FXR1: variants seen among roughly 807,000 people sequenced by gnomAD.
The protein encoded by FXR1 is FMR1 autosomal homolog 1.
In FXR1, 15 loss-of-function variants were observed where a neutral mutation model predicts 84.0. The ratio of observed to expected loss-of-function variants is 0.18; its 90% confidence interval spans 0.12 to 0.27. The LOEUF is 0.27. Ranked by LOEUF, FXR1 falls within the 10% of genes least tolerant of loss-of-function variation. The pLI is 1.00. For synonymous variants in FXR1, 245 were observed against 250.7 expected (o/e 0.98, Z 0.21); for missense variants, 480 against 774.4 (o/e 0.62, Z 4.51).
At position 180,981,128 on chromosome 3, in the gene FXR1, C is replaced by A. The variant is rs561366204; in HGVS notation, c.*4836C>A. 5 of 151,866 alleles carry A rather than the reference C, an allele frequency of 3.3e-5. No homozygotes were observed. Among genetic ancestry groups the A allele is most frequent in the Non-Finnish European group, 5.9e-5 (4 of 67,884 alleles). 9.4% of individuals were successfully genotyped at this position (151,866 alleles called of 1,614,324 possible). A position where few individuals can be genotyped will look rare whatever the true frequency, so the allele number is the denominator to read the frequency against. ...TTAGGTCACTGTCAACAGAAAGATG[C>A]CTTATAGAATTTCTCATGATTGAAA... On this transcript the variant is annotated 3_prime_UTR_variant, in exon 17 of 17. Transcript: ENST00000357559.
intron 1 of FXR1, among the ~76,000 whole-genome samples, chr3:180,928,477 A>G (rs1172310350): frequency 1.3e-5 from 2 of 149,936 alleles, no homozygotes; most frequent in African/African-American, 2.5e-5. Context: ...TTTCAATGGG[A>G]TGCCATTGAA....
chr3:180,945,605 A>C (rs1721613844), intron 3 of FXR1, among the ~76,000 whole-genome samples: 1 of 152,170 alleles, frequency 6.6e-6, no homozygotes, highest in Non-Finnish European at 1.5e-5. Context: ...ATGGGGTTTC[A>C]TCATGTTGTC....
chr3:180,917,061 C>T (rs957342138), intron 1 of FXR1, among the ~76,000 whole-genome samples: 1 of 151,832 alleles, frequency 6.6e-6, no homozygotes, highest in Non-Finnish European at 1.5e-5. Context: ...TTCTCGATCT[C>T]CAGGATGGCC....
At chr3:180,949,487 A>G (rs1722004259) in intron 7 of FXR1, 144 bp downstream of exon 7, 1 of 650,712 alleles carries the variant, frequency 1.5e-6, no homozygotes, top group East Asian at 2.7e-5. Flanking sequence ...CCCGGATTCA[A>G]GCGGTTCTCC....
intron 11 of FXR1, 75 bp downstream of exon 11, chr3:180,961,629 A>G (rs1225847154): frequency 1.4e-6 from 1 of 695,800 alleles, no homozygotes; most frequent in Non-Finnish European, 2.5e-6. Context: ...TTTGCTACAA[A>G]TTTAAAATGT....
chr3:180,980,767 T>G lies in FXR1; in HGVS notation c.*4475T>G, dbSNP rs1431892075. On this transcript the variant is annotated 3_prime_UTR_variant, in exon 17 of 17. Coordinates refer to ENST00000357559, the MANE Select transcript of FXR1 (RefSeq NM_005087.4). The stretch of plus-strand genomic sequence containing the variant: ...GAAGCTCTTCCTATATATATCTTGT[T>G]GCTAAGGCAGTAGTTGGCTCTAAGC... The G allele has an allele frequency of 1.3e-5, 2 of 152,018 alleles. No individual in the cohort carries two copies. Among genetic ancestry groups the G allele is most frequent in the African/African-American group, 4.8e-5 (2 of 41,416 alleles). The allele number at this position is 152,018 out of a possible 1,614,324, so 9.4% of individuals were successfully genotyped here.
At chr3:180,931,250 C>G (rs1178333432) in intron 1 of FXR1, among the ~76,000 whole-genome samples, 1 of 151,908 alleles carries the variant, frequency 6.6e-6, no homozygotes, top group Non-Finnish European at 1.5e-5. Flanking sequence ...TGGAGTTTTG[C>G]TGTTGTCGCC....
chr3:180,982,302 G>GT lies in FXR1; in HGVS notation c.*6017dup, dbSNP rs1358552761. 2.6e-5 allele frequency: 4 copies of GT among 151,172 alleles called. No individual in the cohort carries two copies. The highest frequency in any genetic ancestry group is 5.9e-5 in the Non-Finnish European group (4 of 67,752). The allele number at this position is 151,172 out of a possible 1,614,324, so 9.4% of individuals were successfully genotyped here. On this transcript the variant is annotated 3_prime_UTR_variant, in exon 17 of 17. Coordinates refer to ENST00000357559, the MANE Select transcript of FXR1 (RefSeq NM_005087.4). ...AAGAAAATACCAGCAAAAGATAAAA[G>GT]TTTTTTTATGGATCGTATTTGTATC...
chr3:180,941,090 T>TG (rs2108454228), intron 3 of FXR1, among the ~76,000 whole-genome samples: 1 of 152,202 alleles, frequency 6.6e-6, no homozygotes, highest in African/African-American at 2.4e-5. Flanking sequence ...ATTAAAATGT[T>TG]GGGATAGGCG....
intron 15 of FXR1, among the ~76,000 whole-genome samples, chr3:180,972,639 G>A (rs1713725606): frequency 6.6e-6 from 1 of 152,204 alleles, no homozygotes; most frequent in Non-Finnish European, 1.5e-5. Flanking sequence ...TATAAAAGGA[G>A]TAACAGTGGG....
chr3:180,921,308 G>T (rs1298220338), intron 1 of FXR1, among the ~76,000 whole-genome samples: 1 of 151,336 alleles, frequency 6.6e-6, no homozygotes, highest in Non-Finnish European at 1.5e-5. Context: ...GGGGGTGTGT[G>T]TGGAGGTTGC....
intron 1 of FXR1, among the ~76,000 whole-genome samples, chr3:180,925,863 C>G (rs1466023221): frequency 6.6e-6 from 1 of 152,042 alleles, no homozygotes; most frequent in Non-Finnish European, 1.5e-5. Context: ...ATGTTAGTAC[C>G]TTTTTCTCAT....
chr3:180,961,551 A>C lies in FXR1; in HGVS notation c.1074A>C (p.Leu358=). 7.1e-7 allele frequency: 1 copy of C among 1,398,698 alleles called. No individual in the cohort carries two copies. The highest frequency in any genetic ancestry group is 1.0e-6 in the Non-Finnish European group (1 of 983,972). 86.6% of individuals were successfully genotyped at this position (1,398,698 alleles called of 1,614,324 possible). A position where few individuals can be genotyped will look rare whatever the true frequency, so the allele number is the denominator to read the frequency against. The part of the protein sequence containing the change: ...QVLLEYHIAY[L]KEVEQLRMER... ...TTCTAGAGTATCATATTGCCTATCT[A>C]AAGGTTTGTATACGGTTCATACTAT... The change falls in exon 11 of 17, where the codon CTA becomes CTC. Residue 358 remains leucine, a synonymous_variant. Coordinates refer to ENST00000357559, the MANE Select transcript of FXR1 (RefSeq NM_005087.4).
chr3:180,955,581 T>C (rs1722670586), intron 9 of FXR1, among the ~76,000 whole-genome samples: 1 of 152,238 alleles, frequency 6.6e-6, no homozygotes, highest in African/African-American at 2.4e-5. Flanking sequence ...AAAGAAATCG[T>C]TAATTATTGA....
intron 10 of FXR1, among the ~76,000 whole-genome samples, chr3:180,958,934 A>G (rs1711706229): frequency 6.6e-6 from 1 of 150,824 alleles, no homozygotes; most frequent in African/African-American, 2.4e-5. Context: ...CAGCTTCCTG[A>G]GTAGCTGGGA....
intron 15 of FXR1, chr3:180,971,004 A>G (rs973363570): frequency 4.9e-5 from 17 of 345,392 alleles, no homozygotes; most frequent in Non-Finnish European, 6.9e-5. Flanking sequence ...AAATCTTTGA[A>G]GGAAAGAAGG....
intron 9 of FXR1, 31 bp downstream of exon 9, chr3:180,953,871 T>C (rs917474334): frequency 5.6e-6 from 6 of 1,075,640 alleles, no homozygotes; most frequent in Non-Finnish European, 8.6e-6. Flanking sequence ...TTAAATAAGT[T>C]AATAAACATT....
Position 180,962,863 on chromosome 3 carries a change from C to CT in FXR1, c.1078-14dup. 5.2e-6 allele frequency: 8 copies of CT among 1,546,530 alleles called. No homozygotes were observed. Among genetic ancestry groups the CT allele is most frequent in the Non-Finnish European group, 7.1e-6 (8 of 1,121,886 alleles). ...AAAGTTATATATAAGAAGACTTACT[C>CT]TTTTTTGTTTTGATTGTAGGAAGTA... On this transcript the variant is annotated intron_variant, in intron 11 of 16. Transcript: ENST00000357559.
chr3:180,948,665 C>T, intron 5 of FXR1, 56 bp from the exon 6 acceptor site: 3 of 1,004,470 alleles, frequency 3.0e-6, no homozygotes, highest in Non-Finnish European at 4.7e-6. Flanking sequence ...TATTGTGACT[C>T]TCCTCTGACT....
Sources: gnomAD v4.1 joint callset for allele counts (sites outside exome capture counted in the v4.1 genomes callset) on GRCh38, gnomAD v4.1.1 for gene constraint, MANE v1.5 for transcripts, NCBI Gene and HGNC (gene_info 2026-07-23, HGNC 2026-07-21) for gene names.